The following PDE4B variants were observed in gnomAD, a reference collection of about 807,000 sequenced individuals.
PDE4B encodes 3',5'-cyclic-AMP phosphodiesterase 4B.
In PDE4B, 20 loss-of-function variants were observed where a neutral mutation model predicts 82.2. The ratio of observed to expected loss-of-function variants is 0.24; its 90% confidence interval spans 0.17 to 0.35. PDE4B has a LOEUF of 0.35. PDE4B is among the 10% of genes least tolerant of loss of function. The pLI is 1.00. For missense variants in PDE4B, 655 were observed against 907.2 expected (o/e 0.72, Z 3.57); for synonymous variants, 320 against 318.9 (o/e 1.00, Z -0.04).
intron 3 of PDE4B, among the ~76,000 whole-genome samples, chr1:66,145,964 A>G (rs1288775056): frequency 6.6e-6 from 1 of 152,162 alleles, no homozygotes; most frequent in African/African-American, 2.4e-5. Flanking sequence ...TGACTGCTAT[A>G]TGACTGCAAT....
At chr1:66,325,376 A>G (rs1028485823) in intron 7 of PDE4B, among the ~76,000 whole-genome samples, 1 of 152,242 alleles carries the variant, frequency 6.6e-6, no homozygotes, top group Non-Finnish European at 1.5e-5. Flanking sequence ...ATCATTCGCT[A>G]CAATGGACAA....
chr1:66,332,343 G>T lies in PDE4B; in HGVS notation c.635-165G>T, dbSNP rs1206797864. 3 of 1,605,638 alleles carry T rather than the reference G, an allele frequency of 1.9e-6. No homozygotes were observed. In the African/African-American group the frequency reaches 4.0e-5, roughly 21 times the overall value. On this transcript the variant is annotated intron_variant, in intron 7 of 16. Transcript: ENST00000341517. Reference sequence around the variant, plus strand: ...CCCAGGCAGAGCACCACTGTGATTTGTTCTCCTGGTGGAGAGAGCTGGAAG... The same window carrying T: ...CCCAGGCAGAGCACCACTGTGATTTTTTCTCCTGGTGGAGAGAGCTGGAAG...
intron 3 of PDE4B, among the ~76,000 whole-genome samples, chr1:65,923,559 T>C (rs1647328971): frequency 1.3e-5 from 2 of 152,240 alleles, no homozygotes; most frequent in South Asian, 4.1e-4. Flanking sequence ...TTCCTCCTCA[T>C]ATCTTAGAAC....
At position 66,318,899 on chromosome 1, in the gene PDE4B, C is replaced by A. The variant is rs144081186; in HGVS notation, c.635-13609C>A. On this transcript the variant is annotated intron_variant, in intron 7 of 16. Transcript: ENST00000341517. ...GTAGCCACATGTGACTAGTAGCTAC[C>A]ATATTGATAGCACAGTGTAGACATT... Among the ~76,000 whole-genome samples the A allele has an allele frequency of 4.7e-3, 720 of 152,260 alleles. 2 individuals carry two copies. Among genetic ancestry groups the A allele is most frequent in the African/African-American group, 0.017 (686 of 41,542 alleles).
chr1:65,802,566 C>G (rs912524677), intron 1 of PDE4B, among the ~76,000 whole-genome samples: 6 of 151,982 alleles, frequency 3.9e-5, no homozygotes, highest in African/African-American at 1.5e-4. Context: ...AAATTGGTAC[C>G]TCCCCCAAAA....
chr1:65,882,716 C>G (rs1646723073), intron 1 of PDE4B, among the ~76,000 whole-genome samples: 1 of 150,184 alleles, frequency 6.7e-6, no homozygotes, highest in African/African-American at 2.5e-5. Flanking sequence ...GTACAGGGAT[C>G]AATTCATAGA....
At chr1:66,236,706 AC>A (rs945789394) in intron 3 of PDE4B, among the ~76,000 whole-genome samples, 6 of 152,178 alleles carry the variant, frequency 3.9e-5, no homozygotes, top group Admixed American at 2.0e-4. Flanking sequence ...AGAAGGGTAG[AC>A]CATGAGTAGG....
chr1:66,116,788 C>T (rs1238988176), intron 3 of PDE4B, among the ~76,000 whole-genome samples: 1 of 152,152 alleles, frequency 6.6e-6, no homozygotes, highest in African/African-American at 2.4e-5. Flanking sequence ...TGGTCTCCAG[C>T]TCCTGGGCTC....
At chr1:65,883,057 A>G (rs1646727733) in intron 1 of PDE4B, among the ~76,000 whole-genome samples, 1 of 152,196 alleles carries the variant, frequency 6.6e-6, no homozygotes, top group Non-Finnish European at 1.5e-5. Context: ...CCTTTAAAAT[A>G]TGACTAACAA....
chr1:65,993,036 A>G (rs1198096794), intron 3 of PDE4B: 9 of 1,613,900 alleles, frequency 5.6e-6, no homozygotes, highest in Admixed American at 5.0e-5. Context: ...TACATCTCCT[A>G]AAATTTCTCC....
intron 12 of PDE4B, among the ~76,000 whole-genome samples, chr1:66,364,508 A>G (rs868530866): frequency 2.0e-5 from 3 of 152,174 alleles, no homozygotes; most frequent in Admixed American, 1.3e-4. Flanking sequence ...AATGTGCTGG[A>G]CCACTGCAGG....
chr1:66,263,492 T>C (rs1654829270), intron 6 of PDE4B, among the ~76,000 whole-genome samples: 1 of 152,210 alleles, frequency 6.6e-6, no homozygotes, highest in Admixed American at 6.5e-5. Flanking sequence ...CACTTTCACA[T>C]CAGTGGGTTA....
rs1373003434 is a variant in PDE4B, at chr1:66,337,099, C to T, written c.747+4479C>T. ...ACTGGCCAATGGATTCATCTTAGAACTCTGTAAGAGAGAGGGTAGACAGGC... is the reference window on the plus strand; with the variant it reads ...ACTGGCCAATGGATTCATCTTAGAATTCTGTAAGAGAGAGGGTAGACAGGC... On this transcript the variant is annotated intron_variant, in intron 8 of 16. Transcript: ENST00000341517. Among the ~76,000 whole-genome samples the T allele has an allele frequency of 3.2e-4, 48 of 152,186 alleles. 1 individual carries two copies. The highest frequency in any genetic ancestry group is 3.1e-3 in the Admixed American group (48 of 15,272).
chr1:66,233,350 G>C (rs1014727154), intron 3 of PDE4B, among the ~76,000 whole-genome samples: 4 of 151,776 alleles, frequency 2.6e-5, no homozygotes, highest in African/African-American at 9.7e-5. Flanking sequence ...CCACTGTATG[G>C]GTATATCACA....
chr1:66,320,176 G>A (rs1041468768), intron 7 of PDE4B, among the ~76,000 whole-genome samples: 7 of 151,830 alleles, frequency 4.6e-5, no homozygotes, highest in African/African-American at 1.2e-4. Context: ...TCATGATCTC[G>A]TTTTCCCTCA....
At chr1:66,257,310 C>T in intron 4 of PDE4B, 1 of 409,602 alleles carries the variant, frequency 2.4e-6, no homozygotes, top group Non-Finnish European at 4.8e-6. Flanking sequence ...TTTGAATTTC[C>T]TGGCTCTGGC....
chr1:66,156,370 G>T (rs1344958355), intron 3 of PDE4B, among the ~76,000 whole-genome samples: 1 of 152,158 alleles, frequency 6.6e-6, no homozygotes, highest in Non-Finnish European at 1.5e-5. Flanking sequence ...ATAGGGACAT[G>T]ATACAATGTT....
At chr1:66,321,971 G>A (rs1398147934) in intron 7 of PDE4B, among the ~76,000 whole-genome samples, 1 of 151,952 alleles carries the variant, frequency 6.6e-6, no homozygotes, top group Non-Finnish European at 1.5e-5. Context: ...GTACCAGAAC[G>A]CAGATATAGA....
Position 66,373,774 on chromosome 1 carries a change from A to G in PDE4B, c.*1096A>G, listed in dbSNP as rs2050867680. 1 of 152,500 alleles carries G rather than the reference A, an allele frequency of 6.6e-6. No individual in the cohort carries two copies. Among genetic ancestry groups the G allele is most frequent in the Non-Finnish European group, 1.5e-5 (1 of 68,040 alleles). The allele number at this position is 152,500 out of a possible 1,614,324, so 9.4% of individuals were successfully genotyped here. A position where few individuals can be genotyped will look rare whatever the true frequency, so the allele number is the denominator to read the frequency against. ...CTAAGAGTTACGACTTTTTCTTGTA[A>G]TGTTTTGTATTGTGTATTATATAAC... On this transcript the variant is annotated 3_prime_UTR_variant, in exon 17 of 17. Coordinates refer to ENST00000341517, the MANE Select transcript of PDE4B (RefSeq NM_002600.4).
Sources: allele counts gnomAD v4.1 joint callset (sites outside exome capture counted in the v4.1 genomes callset), GRCh38; gene constraint gnomAD v4.1.1; transcripts MANE v1.5; gene names NCBI Gene and HGNC (gene_info 2026-07-23, HGNC 2026-07-21).